ADAMTS3: variants seen among roughly 807,000 people sequenced by gnomAD.
ADAMTS3 encodes A disintegrin and metalloproteinase with thrombospondin motifs 3.
A neutral mutation model predicts 129.0 loss-of-function variants in ADAMTS3; 73 were observed. That is an observed-to-expected ratio of 0.57 (90% confidence interval 0.47 to 0.69). ADAMTS3 has a LOEUF of 0.69. ADAMTS3 is among the 30% of genes least tolerant of loss of function. The pLI, the probability that ADAMTS3 is intolerant of heterozygous loss-of-function variation, is 0.00. For missense variants in ADAMTS3, 1,457 were observed against 1,514.5 expected (o/e 0.96, Z 0.63); for synonymous variants, 477 against 510.8 (o/e 0.93, Z 0.89).
Position 72,309,641 on chromosome 4 carries a change from G to A in ADAMTS3, c.2056-121C>T. ...ACAGTCAGCCAATTTATAGCAAACT[G>A]CCACTGTAGTCATAATTTTTAATAC... On this transcript the variant is annotated intron_variant, in intron 14 of 21. Coordinates refer to ENST00000286657, the MANE Select transcript of ADAMTS3 (RefSeq NM_014243.3). The A allele has an allele frequency of 6.7e-6, 7 of 1,041,586 alleles. No homozygotes were observed. In the South Asian group the frequency reaches 1.6e-4, roughly 23 times the overall value. The allele number at this position is 1,041,586 out of a possible 1,614,324, so 64.5% of individuals were successfully genotyped here.
At chr4:72,445,544 G>C (rs1032877773) in intron 3 of ADAMTS3, among the ~76,000 whole-genome samples, 14 of 151,656 alleles carry the variant, frequency 9.2e-5, no homozygotes, top group Non-Finnish European at 1.2e-4. Flanking sequence ...CCCTTATTTT[G>C]AAAGTTTGAA....
chr4:72,430,417 C>T (rs1186224019), intron 3 of ADAMTS3, among the ~76,000 whole-genome samples: 2 of 151,970 alleles, frequency 1.3e-5, no homozygotes, highest in Non-Finnish European at 2.9e-5. Context: ...GCTCTCATGA[C>T]AGTCCAAGCC....
intron 3 of ADAMTS3, among the ~76,000 whole-genome samples, chr4:72,542,810 T>C (rs1721367690): frequency 6.6e-6 from 1 of 152,296 alleles, no homozygotes; most frequent in Non-Finnish European, 1.5e-5. Flanking sequence ...AAACACAACA[T>C]CCAGTAGAAC....
chr4:72,295,505 G>C (rs1394298637), intron 19 of ADAMTS3, 149 bp downstream of exon 19: 3 of 731,782 alleles, frequency 4.1e-6, no homozygotes, highest in African/African-American at 3.6e-5. Context: ...CAGAACTGCA[G>C]CTTTATATAA....
chr4:72,315,906 C>T lies in ADAMTS3; in HGVS notation c.1551G>A (p.Lys517=), dbSNP rs764238950. 1 of 1,613,464 alleles carries T rather than the reference C, an allele frequency of 6.2e-7. No homozygotes were observed. Among genetic ancestry groups the T allele is most frequent in the Non-Finnish European group, 8.5e-7 (1 of 1,179,656 alleles). ...CATCAAGTGGAGGTCCCTTTTTAGT[C>T]TTACAAAAGTAGGGATTATCAGGAT... is the stretch of plus-strand genomic sequence containing the variant. The part of the protein sequence containing the change: ...CSHPDNPYFC[K]TKKGPPLDGT... Residue 517 remains lysine (K), a synonymous_variant, in exon 11 of 22, where the codon AAG becomes AAA. Transcript: ENST00000286657.
intron 5 of ADAMTS3, among the ~76,000 whole-genome samples, chr4:72,331,998 C>T (rs748598973): frequency 6.6e-6 from 1 of 152,034 alleles, no homozygotes; most frequent in Non-Finnish European, 1.5e-5. Context: ...TAGAAAGGTG[C>T]TATGTTTTAT....
chr4:72,529,727 TAATA>T (rs1162024695), intron 3 of ADAMTS3, among the ~76,000 whole-genome samples: 3 of 97,898 alleles, frequency 3.1e-5, no homozygotes, highest in East Asian at 5.1e-4. Context: ...ATATATTAAT[TAATA>T]TATATTTATT....
chr4:72,415,069 A>T lies in ADAMTS3; in HGVS notation c.505-98T>A, dbSNP rs1041534785. The T allele has an allele frequency of 2.5e-5, 23 of 932,734 alleles. No individual in the cohort carries two copies. In the Admixed American group the frequency reaches 2.9e-4, roughly 12 times the overall value. 57.8% of individuals were successfully genotyped at this position (932,734 alleles called of 1,614,324 possible). A position where few individuals can be genotyped will look rare whatever the true frequency, so the allele number is the denominator to read the frequency against. On this transcript the variant is annotated intron_variant, in intron 3 of 21. Coordinates refer to ENST00000286657, the MANE Select transcript of ADAMTS3 (RefSeq NM_014243.3). ...TAAATGTCAAGAATATGACTTGTGA[A>T]AACTAACGCTTTTTCTTTCCACATT...
At chr4:72,512,080 G>C (rs1219853149) in intron 3 of ADAMTS3, among the ~76,000 whole-genome samples, 1 of 152,176 alleles carries the variant, frequency 6.6e-6, no homozygotes, top group East Asian at 1.9e-4. Flanking sequence ...TGAACTCATA[G>C]ATGTAGAGAG....
intron 3 of ADAMTS3, among the ~76,000 whole-genome samples, chr4:72,520,688 G>T: frequency 6.6e-6 from 1 of 152,194 alleles, no homozygotes; most frequent in East Asian, 1.9e-4. Context: ...TCCTAAGCCT[G>T]TCAGAAAAGC....
chr4:72,328,909 G>A (rs1375259138), intron 5 of ADAMTS3, among the ~76,000 whole-genome samples: 1 of 152,156 alleles, frequency 6.6e-6, no homozygotes, highest in Non-Finnish European at 1.5e-5. Flanking sequence ...GTAGGTAAAA[G>A]TTCCAAACTC....
intron 3 of ADAMTS3, among the ~76,000 whole-genome samples, chr4:72,456,596 T>A (rs891764127): frequency 6.6e-6 from 1 of 150,980 alleles, no homozygotes; most frequent in East Asian, 2.0e-4. Context: ...ATATTTTAAA[T>A]TATTTCTAAA....
intron 3 of ADAMTS3, among the ~76,000 whole-genome samples, chr4:72,444,103 A>ATG (rs1312729293): frequency 6.6e-6 from 1 of 151,768 alleles, no homozygotes; most frequent in Admixed American, 6.6e-5. Flanking sequence ...CACAGCTATT[A>ATG]TGTGTGTGTC....
chr4:72,466,532 A>T (rs1718925407), intron 3 of ADAMTS3, among the ~76,000 whole-genome samples: 1 of 152,172 alleles, frequency 6.6e-6, no homozygotes, highest in African/African-American at 2.4e-5. Flanking sequence ...AGGCGGAGCA[A>T]ACAGAATTTG....
intron 3 of ADAMTS3, among the ~76,000 whole-genome samples, chr4:72,507,464 T>C (rs1720192985): frequency 6.6e-6 from 1 of 152,232 alleles, no homozygotes; most frequent in Non-Finnish European, 1.5e-5. Context: ...TATGTTTTGA[T>C]TGTGAGTCCT....
At chr4:72,538,028 C>T (rs1046643069) in intron 3 of ADAMTS3, among the ~76,000 whole-genome samples, 1 of 152,088 alleles carries the variant, frequency 6.6e-6, no homozygotes, top group Non-Finnish European at 1.5e-5. Context: ...AATTCAAAGG[C>T]AGATTTGAGC....
chr4:72,300,342 A>G (rs1718918288), intron 17 of ADAMTS3, among the ~76,000 whole-genome samples: 1 of 152,062 alleles, frequency 6.6e-6, no homozygotes, highest in African/African-American at 2.4e-5. Context: ...GTCAGATTAT[A>G]ATCAGTGGGC....
chr4:72,421,037 T>A (rs538062408), intron 3 of ADAMTS3, among the ~76,000 whole-genome samples: 1 of 152,318 alleles, frequency 6.6e-6, no homozygotes, highest in South Asian at 2.1e-4. Flanking sequence ...ATAAAGAGAT[T>A]TGAGGGAAGG....
At chr4:72,472,193 A>C (rs572130735) in intron 3 of ADAMTS3, among the ~76,000 whole-genome samples, 2 of 152,292 alleles carry the variant, frequency 1.3e-5, no homozygotes, top group African/African-American at 4.8e-5. Context: ...AAATTCATAC[A>C]TTCTCAATTC....
Sources: gnomAD v4.1 joint callset for allele counts (sites outside exome capture counted in the v4.1 genomes callset) on GRCh38, gnomAD v4.1.1 for gene constraint, MANE v1.5 for transcripts, NCBI Gene and HGNC (gene_info 2026-07-23, HGNC 2026-07-21) for gene names.